The following GRIK5 variants were observed in gnomAD, a reference collection of about 807,000 sequenced individuals.
GRIK5 encodes glutamate receptor ionotropic, kainate 5.
GRIK5 carries 43 observed loss-of-function variants against 97.4 expected under a neutral mutation model. The ratio of observed to expected loss-of-function variants is 0.44; its 90% CI spans 0.35 to 0.57. The LOEUF (loss-of-function observed/expected upper bound fraction) is 0.57. Ranked by LOEUF, GRIK5 falls within the 20% of genes least tolerant of loss-of-function variation. The probability of loss-of-function intolerance (pLI) is 0.01; values close to 1 mark genes in which losing one functional copy is unlikely to be tolerated. For missense variants in GRIK5, 1,015 were observed against 1,382.0 expected, an observed-to-expected ratio of 0.73 and a Z score of 4.21; for synonymous variants, 580 against 583.5, an observed-to-expected ratio of 0.99 and a Z score of 0.09.
At position 42,042,614 on chromosome 19, in the gene GRIK5, G is replaced by A; in HGVS notation, c.1411C>T (p.Leu471=). Residue 471 remains leucine (L), a synonymous_variant, in exon 12 of 20, where the codon CTG becomes TTG. Coordinates refer to ENST00000593562, the MANE Select transcript of GRIK5 (RefSeq NM_002088.5). This position sits in a 1 kb window ranked among gnomAD's most constrained non-coding sequence, Gnocchi z 6.9. ...RYRLRLVEDG[L]YGAPEPNGSW... is the part of the protein sequence containing the mutation. ...CCGTTGGGCTCGGGCGCCCCGTACA[G>A]CCCATCCTCCACCAACCGCAGGCGG... 6.2e-7 allele frequency: 1 copy of A among 1,612,982 alleles called. No individual in the cohort carries two copies. The highest frequency in any genetic ancestry group is 8.5e-7 in the Non-Finnish European group (1 of 1,179,950).
chr19:42,032,542 T>C (rs2075852216), intron 12 of GRIK5, among the ~76,000 whole-genome samples: 1 of 152,206 alleles, frequency 6.6e-6, no homozygotes, highest in South Asian at 2.1e-4. Context: ...CTGGCTATGC[T>C]AGCAAAGCTG....
chr19:42,061,371 A>G (rs888717186), intron 5 of GRIK5, among the ~76,000 whole-genome samples: 8 of 151,222 alleles, frequency 5.3e-5, no homozygotes, highest in African/African-American at 1.5e-4. Context: ...AAGAGATGGG[A>G]TCTCGCCATG....
intron 11 of GRIK5, among the ~76,000 whole-genome samples, chr19:42,043,528 C>T (rs1346659329): frequency 1.3e-5 from 2 of 151,800 alleles, no homozygotes; most frequent in African/African-American, 2.4e-5. Flanking sequence ...GCCTCACCCC[C>T]GCCAAGTAGC....
At chr19:42,001,919 A>G in intron 19 of GRIK5, 1 of 571,660 alleles carries the variant, frequency 1.7e-6, no homozygotes, top group Non-Finnish European at 3.1e-6. Flanking sequence ...CCGAGAAGAG[A>G]AGCAGTCTAA....
chr19:42,056,016 C>T (rs1360193144), intron 8 of GRIK5, among the ~76,000 whole-genome samples: 9 of 141,336 alleles, frequency 6.4e-5, no homozygotes, highest in East Asian at 2.1e-4. Context: ...GACGGAGTCT[C>T]GCTCTCTCGC....
chr19:42,065,609 G>C lies in GRIK5; in HGVS notation c.79+83C>G, dbSNP rs1046288187. On this transcript the variant is annotated intron_variant, in intron 2 of 19. Transcript: ENST00000593562. This position sits in a 1 kb window ranked among gnomAD's most constrained non-coding sequence, Gnocchi z 5.8. ...TGCTGCTGAAGAGAGCTGAGACCTG[G>C]ACCCTGACGGACTGGCATGCCTGGG... 7 of 1,214,388 alleles carry C rather than the reference G, an allele frequency of 5.8e-6. No individual in the cohort carries two copies. Among genetic ancestry groups the C allele is most frequent in the Non-Finnish European group, 8.2e-6 (7 of 850,852 alleles). 75.2% of individuals were successfully genotyped at this position (1,214,388 alleles called of 1,614,324 possible).
chr19:42,003,150 C>T lies in GRIK5; in HGVS notation c.2514+182G>A, dbSNP rs533237897. On this transcript the variant is annotated intron_variant, in intron 19 of 19. Transcript: ENST00000593562. This position sits in a 1 kb window ranked among gnomAD's most constrained non-coding sequence, Gnocchi z 4.2. Reference sequence around the variant, plus strand: ...CCCTGTGCCTACTTTCCCTCCTGTTCTTCCTCACGCGCTGATTCTCTGGCC... The same window carrying T: ...CCCTGTGCCTACTTTCCCTCCTGTTTTTCCTCACGCGCTGATTCTCTGGCC... 6.6e-6 allele frequency among the ~76,000 whole-genome samples: 1 copy of T among 152,230 alleles called. No homozygotes were observed. Among genetic ancestry groups the T allele is most frequent in the East Asian group, 1.9e-4 (1 of 5,182 alleles).
At chr19:42,016,185 C>T (rs2075621109) in intron 15 of GRIK5, among the ~76,000 whole-genome samples, 1 of 152,096 alleles carries the variant, frequency 6.6e-6, no homozygotes, top group Non-Finnish European at 1.5e-5. Context: ...TTTGGAAGGC[C>T]GAGGTGGGTG....
At chr19:42,052,094 C>T (rs955461647) in intron 11 of GRIK5, among the ~76,000 whole-genome samples, 5 of 152,178 alleles carry the variant, frequency 3.3e-5, no homozygotes, top group Non-Finnish European at 5.9e-5. Flanking sequence ...CAGCACCATA[C>T]AGCTTTGGTA....
intron 6 of GRIK5, among the ~76,000 whole-genome samples, chr19:42,058,313 TG>T (rs2076213609): frequency 6.6e-6 from 1 of 151,814 alleles, no homozygotes; most frequent in Non-Finnish European, 1.5e-5. Context: ...CCCGAGTAGC[TG>T]GGACTACAGG....
intron 12 of GRIK5, among the ~76,000 whole-genome samples, chr19:42,029,938 G>A (rs1028292912): frequency 6.6e-6 from 1 of 152,168 alleles, no homozygotes; most frequent in African/African-American, 2.4e-5. Context: ...TCAGCTCTGT[G>A]GGGCCCTCCT....
At chr19:42,046,587 A>T (rs2076045902) in intron 11 of GRIK5, among the ~76,000 whole-genome samples, 1 of 152,236 alleles carries the variant, frequency 6.6e-6, no homozygotes, top group Non-Finnish European at 1.5e-5. Context: ...GGCCAAGTTA[A>T]AAAGATTATC....
At chr19:42,068,443 A>T (rs1476091079) in intron 1 of GRIK5, 2 of 310,472 alleles carry the variant, frequency 6.4e-6, no homozygotes, top group Non-Finnish European at 1.2e-5. Context: ...CCAGCCAGGA[A>T]AAGTCAGCAT....
Position 42,065,262 on chromosome 19 carries a change from C to T in GRIK5, c.205G>A (p.Glu69Lys), listed in dbSNP as rs568818694. ...TCGTACTGGCTGTCCCGCTGCAGCTCAAAGATGTCTACTTCCACTCGGGCC... is the reference window on the plus strand; with the variant it reads ...TCGTACTGGCTGTCCCGCTGCAGCTTAAAGATGTCTACTTCCACTCGGGCC... ...AKARVEVDIF[E>K]LQRDSQYETT... The change falls in exon 3 of 20, where the codon GAG becomes AAG. Residue 69 changes from glutamate to lysine, a missense_variant. This residue lies in a region of GRIK5 where 198 missense variants were observed against 218.2 expected (regional missense o/e 0.91). Coordinates refer to ENST00000593562, the MANE Select transcript of GRIK5 (RefSeq NM_002088.5). The surrounding 1 kb of genome is among the most constrained non-coding windows in gnomAD (Gnocchi z 5.8). 1 of 1,613,284 alleles carries T rather than the reference C, an allele frequency of 6.2e-7. No individual in the cohort carries two copies. The highest frequency in any genetic ancestry group is 1.1e-5 in the South Asian group (1 of 91,030).
intron 1 of GRIK5, chr19:42,068,965 A>T (rs1373729255): frequency 1.7e-6 from 1 of 596,998 alleles, no homozygotes; most frequent in Non-Finnish European, 3.0e-6. Flanking sequence ...GCCCGGGGTA[A>T]GTGAGAGCCC....
rs570174177 is a variant in GRIK5, at chr19:42,009,695, G to C, written c.1872-2885C>G. 1.5e-3 allele frequency among the ~76,000 whole-genome samples: 232 copies of C among 151,076 alleles called. 2 individuals carry two copies. In the Middle Eastern group the frequency reaches 0.017, roughly 11 times the overall value. On this transcript the variant is annotated intron_variant, in intron 15 of 19. Coordinates refer to ENST00000593562, the MANE Select transcript of GRIK5 (RefSeq NM_002088.5). ...AGGCAGGAGAATTGCCTGAACCTGG[G>C]AGGTAGAGGTTGCAGTGAGCTCAGA...
At chr19:42,039,439 C>T (rs2075950720) in intron 12 of GRIK5, among the ~76,000 whole-genome samples, 1 of 152,238 alleles carries the variant, frequency 6.6e-6, no homozygotes, top group Admixed American at 6.5e-5. Flanking sequence ...CCCCATGGCA[C>T]TCCAGCCTGC....
rs2075480143 is a variant in GRIK5, at chr19:42,005,634, C to CG, written c.2263+88dup. Reference sequence around the variant, plus strand: ...CACATGCAACACACCCAGCCTGCCTCGGGGGTGCCTGGCCCGGTCCTGGGC... The same window carrying CG: ...CACATGCAACACACCCAGCCTGCCTCGGGGGGTGCCTGGCCCGGTCCTGGGC... On this transcript the variant is annotated intron_variant, in intron 17 of 19. Transcript: ENST00000593562. 16 of 863,558 alleles carry CG rather than the reference C, an allele frequency of 1.9e-5. No individual in the cohort carries two copies. In the South Asian group the frequency reaches 2.2e-4, roughly 12 times the overall value. The allele number at this position is 863,558 out of a possible 1,614,324, so 53.5% of individuals were successfully genotyped here.
chr19:42,022,019 A>T lies in GRIK5; in HGVS notation c.1625T>A (p.Phe542Tyr), dbSNP rs2075704997. ...KPGYFSFLDP[F>Y]SPAVWLFMLL... is the part of the protein sequence containing the mutation. ...CATGAAGAGCCACACAGCAGGGGAG[A>T]AGGGGTCCAGGAAGGAGAAGTAGCC... The change falls in exon 14 of 20, where the codon TTC (phenylalanine) becomes TAC (tyrosine). Residue 542 changes from phenylalanine (F) to tyrosine (Y), a missense_variant. This residue lies in a region of GRIK5 where 477 missense variants were observed against 701.1 expected (regional missense o/e 0.68). Coordinates refer to ENST00000593562, the MANE Select transcript of GRIK5 (RefSeq NM_002088.5). The surrounding 1 kb of genome is among the most constrained non-coding windows in gnomAD (Gnocchi z 4.2). 1 of 1,613,784 alleles carries T rather than the reference A, an allele frequency of 6.2e-7. No individual in the cohort carries two copies. The highest frequency in any genetic ancestry group is 1.7e-5 in the Admixed American group (1 of 59,978).
Sources: gnomAD v4.1 joint callset for allele counts (sites outside exome capture counted in the v4.1 genomes callset) on GRCh38, gnomAD v4.1.1 for gene constraint, gnomAD v4.1.1 regional missense constraint, Gnocchi (gnomAD v3.1) non-coding constraint, MANE v1.5 for transcripts, NCBI Gene and HGNC (gene_info 2026-07-23, HGNC 2026-07-21) for gene names.